The following DNM3 variants were observed in gnomAD, a reference collection of about 807,000 sequenced individuals.
DNM3 encodes dynamin 3.
Under a neutral mutation model 101.6 loss-of-function variants are expected in DNM3, and 47 were observed. The ratio of observed to expected loss-of-function variants is 0.46; its 90% CI spans 0.37 to 0.59. The LOEUF is 0.59. DNM3 is among the 20% of genes least tolerant of loss of function. The pLI is 0.00. For missense variants in DNM3, 849 were observed against 1,085.7 expected (o/e 0.78, Z 3.06); for synonymous variants, 385 against 387.9 (o/e 0.99, Z 0.09).
rs1301592709 is a variant in DNM3 at position 171,921,904 on chromosome 1, G to T, written c.235+83G>T. ...TCATAGGTGTGGGATTGTACAAATA[G>T]AAACGTTTTTGTGATCGCCCCACTG... On this transcript the variant is annotated intron_variant, in intron 2 of 20. Coordinates refer to ENST00000627582, the MANE Select transcript of DNM3 (RefSeq NM_015569.5). 8 of 1,302,404 alleles carry T rather than the reference G, an allele frequency of 6.1e-6. No homozygotes were observed. The East Asian group carries it at 2.0e-4, about 33-fold the overall frequency. The allele number at this position is 1,302,404 out of a possible 1,614,324, so 80.7% of individuals were successfully genotyped here.
intron 14 of DNM3, among the ~76,000 whole-genome samples, chr1:172,152,050 A>AT (rs1034493474): frequency 2.6e-5 from 4 of 151,868 alleles, no homozygotes; most frequent in Non-Finnish European, 1.5e-5. Flanking sequence ...GCTAATCTTA[A>AT]TTTTTTTATT....
At chr1:172,007,442 G>A (rs1220138635) in intron 4 of DNM3, among the ~76,000 whole-genome samples, 1 of 152,082 alleles carries the variant, frequency 6.6e-6, no homozygotes, top group Non-Finnish European at 1.5e-5. Flanking sequence ...TCTGCTTTGT[G>A]AAATGTCTGT....
intron 15 of DNM3, among the ~76,000 whole-genome samples, chr1:172,292,994 C>G (rs2063993717): frequency 6.6e-6 from 1 of 152,230 alleles, no homozygotes; most frequent in Non-Finnish European, 1.5e-5. Context: ...AATGAGGAAG[C>G]TGTCCTCCTC....
At chr1:172,320,121 C>G (rs959046396) in intron 16 of DNM3, among the ~76,000 whole-genome samples, 1 of 150,806 alleles carries the variant, frequency 6.6e-6, no homozygotes, top group Non-Finnish European at 1.5e-5. Flanking sequence ...TCTCAGTAAA[C>G]TATCGCAAGG....
At chr1:172,166,289 T>C (rs531797865) in intron 14 of DNM3, among the ~76,000 whole-genome samples, 1 of 152,254 alleles carries the variant, frequency 6.6e-6, no homozygotes, top group African/African-American at 2.4e-5. Context: ...CTCAATTAAA[T>C]AGGTGATTAG....
chr1:171,990,993 G>A (rs2125628982), intron 4 of DNM3, among the ~76,000 whole-genome samples: 1 of 152,176 alleles, frequency 6.6e-6, no homozygotes, highest in Admixed American at 6.5e-5. Flanking sequence ...AGGAGATTGA[G>A]CCATGGTTGT....
chr1:172,136,741 A>G (rs1361318506), intron 14 of DNM3: 1 of 152,138 alleles, frequency 6.6e-6, no homozygotes, highest in Non-Finnish European at 1.5e-5. Context: ...TTTATTAAAA[A>G]TGAGTTTAGA....
At chr1:172,258,107 A>G (rs1259240744) in intron 15 of DNM3, among the ~76,000 whole-genome samples, 3 of 152,094 alleles carry the variant, frequency 2.0e-5, no homozygotes, top group Non-Finnish European at 4.4e-5. Context: ...GCTGCAAATG[A>G]CATGATTTTA....
chr1:172,259,423 C>T (rs1455047545), intron 15 of DNM3, among the ~76,000 whole-genome samples: 1 of 152,062 alleles, frequency 6.6e-6, no homozygotes, highest in Non-Finnish European at 1.5e-5. Context: ...TCTGGGTGCT[C>T]TGGTGTTGGG....
At chr1:172,038,290 A>G (rs1284614663) in intron 6 of DNM3, 29 bp from the exon 7 acceptor site, 2 of 1,612,088 alleles carry the variant, frequency 1.2e-6, no homozygotes, top group Non-Finnish European at 1.7e-6. Flanking sequence ...TCAATCTTCA[A>G]TCTGTGTGTA....
At chr1:172,377,764 C>T (rs767884301) in intron 17 of DNM3, among the ~76,000 whole-genome samples, 20 of 151,588 alleles carry the variant, frequency 1.3e-4, no homozygotes, top group Admixed American at 2.6e-4. Flanking sequence ...GCTCTCAGGA[C>T]TGGGAAATGA....
chr1:172,021,095 G>T (rs1572120166), intron 4 of DNM3, among the ~76,000 whole-genome samples: 1 of 152,302 alleles, frequency 6.6e-6, no homozygotes, highest in South Asian at 2.1e-4. Flanking sequence ...AGTTTGTTCA[G>T]ATTTTTACTT....
intron 20 of DNM3, chr1:172,389,055 C>A (rs2069370173): frequency 1.9e-6 from 1 of 526,858 alleles, no homozygotes; most frequent in Admixed American, 3.2e-5. Flanking sequence ...AACACTCCGT[C>A]CCAATGAATG....
At chr1:172,264,435 T>C (rs1005486872) in intron 15 of DNM3, among the ~76,000 whole-genome samples, 1 of 152,236 alleles carries the variant, frequency 6.6e-6, no homozygotes, top group Admixed American at 6.5e-5. Flanking sequence ...TCACCACTTA[T>C]ATTGATTCTG....
intron 4 of DNM3, among the ~76,000 whole-genome samples, chr1:171,992,088 T>G (rs1010236058): frequency 2.6e-5 from 4 of 152,192 alleles, no homozygotes; most frequent in Non-Finnish European, 5.9e-5. Flanking sequence ...ATTTTATTTG[T>G]GTGTATTATG....
rs548842439 is a variant in DNM3 at position 172,354,339 on chromosome 1, T to C, written c.1894-24679T>C. On this transcript the variant is annotated intron_variant, in intron 17 of 20. Coordinates refer to ENST00000627582, the MANE Select transcript of DNM3 (RefSeq NM_015569.5). ...TCAGCAAAGTGAGAGGGGTTCCTGT[T>C]AACAGGCCCCCATTTCACAGATTGA... Among the ~76,000 whole-genome samples, 6 of 152,182 alleles carry C rather than the reference T, an allele frequency of 3.9e-5. No homozygotes were observed. In the South Asian group the frequency reaches 1.2e-3, roughly 32 times the overall value.
chr1:172,086,962 C>T (rs1438892563), intron 12 of DNM3, among the ~76,000 whole-genome samples: 2 of 152,138 alleles, frequency 1.3e-5, no homozygotes, highest in Non-Finnish European at 2.9e-5. Flanking sequence ...AGGGACTCTC[C>T]ATTTCCTTAA....
At chr1:172,258,643 C>T (rs761241121) in intron 15 of DNM3, among the ~76,000 whole-genome samples, 1 of 151,908 alleles carries the variant, frequency 6.6e-6, no homozygotes. Flanking sequence ...CTTCTGTCTT[C>T]CTGATTAGTC....
At chr1:172,215,591 A>G (rs1471167968) in intron 14 of DNM3, among the ~76,000 whole-genome samples, 1 of 152,126 alleles carries the variant, frequency 6.6e-6, no homozygotes, top group Non-Finnish European at 1.5e-5. Flanking sequence ...TTGGAAGATA[A>G]AAGCTTTGGA....
Sources: allele counts gnomAD v4.1 joint callset (sites outside exome capture counted in the v4.1 genomes callset), GRCh38; gene constraint gnomAD v4.1.1; transcripts MANE v1.5; gene names NCBI Gene and HGNC (gene_info 2026-07-23, HGNC 2026-07-21).